TSHZ3: variants seen among roughly 807,000 people sequenced by gnomAD.
TSHZ3 encodes the protein teashirt homolog 3.
In TSHZ3, 10 loss-of-function variants were observed where a neutral mutation model predicts 64.5. The ratio of observed to expected loss-of-function variants is 0.16; its 90% CI spans 0.10 to 0.26. TSHZ3 has a LOEUF of 0.26. Among genes scored for constraint, TSHZ3 ranks in the 10% least tolerant of loss-of-function variants. The pLI, the probability that TSHZ3 is intolerant of heterozygous loss-of-function variation, is 1.00. For synonymous variants in TSHZ3, 608 were observed against 593.1 expected (o/e 1.03, Z -0.36); for missense variants, 1,242 against 1,421.7 (o/e 0.87, Z 2.03).
intron 1 of TSHZ3, among the ~76,000 whole-genome samples, chr19:31,329,587 T>TG (rs1334420280): frequency 1.3e-5 from 2 of 152,112 alleles, no homozygotes; most frequent in Non-Finnish European, 2.9e-5. Context: ...AATAAAATAG[T>TG]GTTTTTAAAT....
chr19:31,211,459 A>T (rs1975257872), intron 4 of TSHZ3, among the ~76,000 whole-genome samples: 1 of 152,110 alleles, frequency 6.6e-6, no homozygotes, highest in Non-Finnish European at 1.5e-5. Flanking sequence ...ACTTCTCTTG[A>T]GCGGATGGAT....
Position 31,325,511 on chromosome 19 carries a change from T to C in TSHZ3, c.40+23669A>G, listed in dbSNP as rs115167411. ...CTGAGCGAGAGAAGGGGTTGCTGAC[T>C]GTGATGCTGTCCTACCTAAGCGCTG... On this transcript the variant is annotated intron_variant, in intron 1 of 1. Transcript: ENST00000240587. Among the ~76,000 whole-genome samples, 693 of 152,316 alleles carry C rather than the reference T, an allele frequency of 4.5e-3. 5 individuals carry two copies. Among genetic ancestry groups the C allele is most frequent in the African/African-American group, 0.016 (659 of 41,560 alleles).
At chr19:31,185,848 C>A (rs2145132315) in intron 5 of TSHZ3, among the ~76,000 whole-genome samples, 1 of 152,284 alleles carries the variant, frequency 6.6e-6, no homozygotes, top group Admixed American at 6.5e-5. Context: ...CCCATCCAAG[C>A]AATCACTGTT....
chr19:31,159,095 G>A (rs1054517873), intron 5 of TSHZ3, among the ~76,000 whole-genome samples: 1 of 152,144 alleles, frequency 6.6e-6, no homozygotes, highest in Non-Finnish European at 1.5e-5. Flanking sequence ...CGCCTCCTGG[G>A]TTCAGGCAAT....
intron 1 of TSHZ3, among the ~76,000 whole-genome samples, chr19:31,249,135 G>A (rs1292954694): frequency 3.9e-5 from 6 of 152,050 alleles, no homozygotes; most frequent in Non-Finnish European, 5.9e-5. Flanking sequence ...TAAGCACAGA[G>A]TGGGTGAGGA....
At chr19:31,326,793 G>C (rs774618336) in intron 1 of TSHZ3, among the ~76,000 whole-genome samples, 1 of 152,230 alleles carries the variant, frequency 6.6e-6, no homozygotes, top group Non-Finnish European at 1.5e-5. Flanking sequence ...TCTGCACTGC[G>C]AGTGCCCATG....
chr19:31,310,348 G>A (rs1490071799), intron 1 of TSHZ3, among the ~76,000 whole-genome samples: 2 of 152,136 alleles, frequency 1.3e-5, no homozygotes, highest in African/African-American at 4.8e-5. Context: ...CATCTTCCTA[G>A]GAAGATGTGA....
intron 5 of TSHZ3, among the ~76,000 whole-genome samples, chr19:31,198,854 A>C (rs1470546098): frequency 6.6e-6 from 1 of 152,224 alleles, no homozygotes; most frequent in Non-Finnish European, 1.5e-5. Context: ...ACCTATTCCC[A>C]ACTTGATCTA....
intron 5 of TSHZ3, among the ~76,000 whole-genome samples, chr19:31,181,962 C>A (rs931785030): frequency 3.9e-5 from 6 of 152,136 alleles, no homozygotes; most frequent in Admixed American, 1.3e-4. Flanking sequence ...TGGCCAGATC[C>A]TCTAGAGTCC....
At chr19:31,348,173 G>A (rs2021569924) in intron 1 of TSHZ3, among the ~76,000 whole-genome samples, 1 of 152,176 alleles carries the variant, frequency 6.6e-6, no homozygotes, top group Admixed American at 6.5e-5. Context: ...TGCACTGACA[G>A]GGCCCTCCTG....
At chr19:31,197,580 A>ACACAATTACTAATATTACT (rs1363836371) in intron 5 of TSHZ3, among the ~76,000 whole-genome samples, 2 of 151,904 alleles carry the variant, frequency 1.3e-5, no homozygotes, top group Admixed American at 6.6e-5. Context: ...CTAACCAAGG[A>ACACAATTACTAATATTACT]AAGACAAGAC....
At chr19:31,168,308 G>C (rs1265419678) in intron 5 of TSHZ3, among the ~76,000 whole-genome samples, 1 of 152,112 alleles carries the variant, frequency 6.6e-6, no homozygotes, top group Non-Finnish European at 1.5e-5. Flanking sequence ...TGCATCACCA[G>C]GTGCTATCTC....
intron 1 of TSHZ3, among the ~76,000 whole-genome samples, chr19:31,320,538 T>C (rs1385387091): frequency 1.3e-5 from 2 of 152,172 alleles, no homozygotes; most frequent in Admixed American, 6.5e-5. Context: ...ATAACTGCAG[T>C]TGTCCTCGGG....
rs143519616 is a variant in TSHZ3, at chr19:31,160,702, AT to A, written n.810-4286del. Among the ~76,000 whole-genome samples the A allele has an allele frequency of 1.2e-3, 187 of 152,118 alleles. 3 individuals carry two copies. Among genetic ancestry groups the A allele is most frequent in the African/African-American group, 4.4e-3 (183 of 41,492 alleles). On this transcript the variant is annotated intron_variant and non_coding_transcript_variant, in intron 5 of 6. Transcript: ENST00000651361. Reference sequence around the variant, plus strand: ...CACACAGACACACATGCATACACACATATACACACGTATATACACATACACA... The same window carrying A: ...CACACAGACACACATGCATACACACAATACACACGTATATACACATACACA...
intron 1 of TSHZ3, among the ~76,000 whole-genome samples, chr19:31,255,829 C>T (rs1273193499): frequency 6.6e-6 from 1 of 152,170 alleles, no homozygotes; most frequent in East Asian, 1.9e-4. Flanking sequence ...AGGTAAGCCC[C>T]CCCTTACTCA....
chr19:31,224,240 G>C (rs1397833054), intron 4 of TSHZ3, among the ~76,000 whole-genome samples: 1 of 152,168 alleles, frequency 6.6e-6, no homozygotes, highest in Non-Finnish European at 1.5e-5. Context: ...GATATGTATT[G>C]CTTTCTCCAA....
At chr19:31,188,786 A>G (rs928615878) in intron 5 of TSHZ3, among the ~76,000 whole-genome samples, 2 of 151,870 alleles carry the variant, frequency 1.3e-5, no homozygotes, top group African/African-American at 4.8e-5. Context: ...GTTATTTATT[A>G]GCATTGAGCT....
At position 31,235,632 on chromosome 19, in the gene TSHZ3, CTCTTTCTT is replaced by C. The variant is rs68051505; in HGVS notation, n.550+6629_550+6636del. Among the ~76,000 whole-genome samples the C allele has an allele frequency of 7.3e-3, 873 of 120,298 alleles. 20 individuals carry two copies. Among genetic ancestry groups the C allele is most frequent in the East Asian group, 0.043 (180 of 4,222 alleles). The allele number at this position is 120,298 out of a possible 152,430, so 78.9% of individuals were successfully genotyped here. A position where few individuals can be genotyped will look rare whatever the true frequency, so the allele number is the denominator to read the frequency against. ...TCTTTCTTTCCTCTTTCTTTCTTTC[CTCTTTCTT>C]TCTTTCTTTCTATTTCTTTCTATTT... On this transcript the variant is annotated intron_variant and non_coding_transcript_variant, in intron 3 of 6. Coordinates refer to the TSHZ3 transcript ENST00000651361.
chr19:31,161,514 G>A (rs953980928), intron 5 of TSHZ3, among the ~76,000 whole-genome samples: 2 of 152,128 alleles, frequency 1.3e-5, no homozygotes, highest in Non-Finnish European at 2.9e-5. Flanking sequence ...GAGTCCCACA[G>A]TTTCTCCTCT....
Sources: gnomAD v4.1 joint callset for allele counts (sites outside exome capture counted in the v4.1 genomes callset) on GRCh38, gnomAD v4.1.1 for gene constraint, MANE v1.5 for transcripts, NCBI Gene and HGNC (gene_info 2026-07-23, HGNC 2026-07-21) for gene names.